The following MYH11 variants were observed in gnomAD, a reference collection of about 807,000 sequenced individuals.
MYH11 encodes myosin heavy chain 11.
MYH11 carries 80 observed loss-of-function variants against 246.6 expected under a neutral mutation model. The observed-to-expected ratio is 0.32, with a 90% confidence interval of 0.27 to 0.39. The LOEUF (loss-of-function observed/expected upper bound fraction) is 0.39, where lower values mean the gene tolerates loss of function less well. Among genes scored for constraint, MYH11 ranks in the 10% least tolerant of loss-of-function variants. MYH11 has a pLI of 1.00. For missense variants in MYH11, 2,158 were observed against 2,546.8 expected (o/e 0.85, Z 3.29); for synonymous variants, 1,071 against 1,015.5 (o/e 1.05, Z -1.04).
chr16:15,762,069 C>T (rs374427493), intron 10 of MYH11, among the ~76,000 whole-genome samples: 2 of 152,296 alleles, frequency 1.3e-5, no homozygotes, highest in East Asian at 1.9e-4. Context: ...CCGCCTCCTG[C>T]GTTCAAGCAG....
intron 3 of MYH11, among the ~76,000 whole-genome samples, chr16:15,819,499 C>G (rs1335214800): frequency 6.6e-6 from 1 of 152,040 alleles, no homozygotes; most frequent in Non-Finnish European, 1.5e-5. Context: ...CTTATAGAAC[C>G]ACCAACCCTA....
At chr16:15,852,320 G>A (rs543325939) in intron 1 of MYH11, among the ~76,000 whole-genome samples, 1 of 145,066 alleles carries the variant, frequency 6.9e-6, no homozygotes, top group South Asian at 2.2e-4. Flanking sequence ...GCAACAAGTT[G>A]CAATTTGCAA....
rs913152964 is a variant in MYH11 at position 15,760,779 on chromosome 16, C to T, written c.1130-121G>A. The stretch of plus-strand genomic sequence containing the variant: ...CGGGTTCTCTTGGGGAAATGGGACC[C>T]GCTGACCATGAATATAGCTTGAAGT... On this transcript the variant is annotated intron_variant, in intron 10 of 40. Coordinates refer to ENST00000300036, the MANE Select transcript of MYH11 (RefSeq NM_002474.3). 1.2e-4 allele frequency: 95 copies of T among 795,032 alleles called. No homozygotes were observed. In the African/African-American group the frequency reaches 1.4e-3, roughly 12 times the overall value. 49.2% of individuals were successfully genotyped at this position (795,032 alleles called of 1,614,324 possible).
At chr16:15,758,988 A>T (rs1289413524) in intron 12 of MYH11, among the ~76,000 whole-genome samples, 2 of 145,870 alleles carry the variant, frequency 1.4e-5, no homozygotes, top group East Asian at 4.0e-4. Flanking sequence ...AAGACAAGAC[A>T]AAAAAAAAAC....
At chr16:15,711,496 G>A (rs1419856893) in intron 40 of MYH11, among the ~76,000 whole-genome samples, 1 of 152,126 alleles carries the variant, frequency 6.6e-6, no homozygotes, top group East Asian at 1.9e-4. Context: ...TAGAGGTGAT[G>A]CTGGTTTAAA....
chr16:15,765,320 TGATG>T (rs796569567), intron 9 of MYH11, among the ~76,000 whole-genome samples: 2 of 150,110 alleles, frequency 1.3e-5, no homozygotes, highest in East Asian at 1.9e-4. Flanking sequence ...GATAGACGGA[TGATG>T]GATGGATGGA....
chr16:15,832,205 G>A (rs1269538327), intron 2 of MYH11, among the ~76,000 whole-genome samples: 6 of 152,290 alleles, frequency 3.9e-5, no homozygotes, highest in Middle Eastern at 3.4e-3. Flanking sequence ...CATTCCAGAA[G>A]CAGAACCAGA....
At chr16:15,784,709 A>G (rs1459910416) in intron 5 of MYH11, 2 of 1,613,910 alleles carry the variant, frequency 1.2e-6, no homozygotes, top group East Asian at 2.2e-5. Flanking sequence ...TAGGCAAAAG[A>G]TGGGCCTTGC....
intron 8 of MYH11, among the ~76,000 whole-genome samples, chr16:15,772,249 G>A (rs557148638): frequency 2.0e-5 from 3 of 151,694 alleles, no homozygotes; most frequent in South Asian, 2.1e-4. Flanking sequence ...CCGCCACCAC[G>A]CCCGGCTAAA....
intron 31 of MYH11, among the ~76,000 whole-genome samples, chr16:15,723,857 A>G (rs1311802394): frequency 6.6e-6 from 1 of 152,236 alleles, no homozygotes; most frequent in Non-Finnish European, 1.5e-5. Context: ...CATTTAGTGA[A>G]TAAATAAGCA....
In MYH11 at chr16:15,740,198, G is replaced by A. The variant is rs1180352165; in HGVS notation, c.2860-10C>T. Reference sequence around the variant, plus strand: ...GCTGTTCTTCAAGGTCCTTTGTTGTGGAGGGAAAAGAGTAACAGCTTTGGT... The same window carrying A: ...GCTGTTCTTCAAGGTCCTTTGTTGTAGAGGGAAAAGAGTAACAGCTTTGGT... On this transcript the variant is annotated splice_polypyrimidine_tract_variant and intron_variant, in intron 22 of 40. Coordinates refer to ENST00000300036, the MANE Select transcript of MYH11 (RefSeq NM_002474.3). The A allele has an allele frequency of 2.5e-6, 4 of 1,614,092 alleles. No homozygotes were observed. The highest frequency in any genetic ancestry group is 3.3e-4 in the Middle Eastern group (2 of 6,058).
chr16:15,763,687 G>A (rs1421679004), intron 10 of MYH11, 109 bp downstream of exon 10: 1 of 953,890 alleles, frequency 1.0e-6, no homozygotes, highest in Non-Finnish European at 1.7e-6. Flanking sequence ...TCCAACTGTT[G>A]TTAAAATCCC....
chr16:15,732,758 A>C (rs1244144347), intron 26 of MYH11, 50 bp from the exon 27 acceptor site: 9 of 1,610,064 alleles, frequency 5.6e-6, no homozygotes, highest in Non-Finnish European at 7.6e-6. Flanking sequence ...ACAGAGGGTC[A>C]TCTCAGTGCC....
At chr16:15,743,394 C>A (rs564595902) in intron 20 of MYH11, among the ~76,000 whole-genome samples, 1 of 152,182 alleles carries the variant, frequency 6.6e-6, no homozygotes, top group African/African-American at 2.4e-5. Flanking sequence ...GTTTCGAACT[C>A]GTGAACCCAG....
chr16:15,706,472 G>A (rs538370273), intron 40 of MYH11, among the ~76,000 whole-genome samples: 2 of 152,242 alleles, frequency 1.3e-5, no homozygotes, highest in East Asian at 1.9e-4. Flanking sequence ...TGGGGAGGCC[G>A]AGGTGGGCAG....
chr16:15,784,540 G>T (rs1234660422), intron 5 of MYH11, among the ~76,000 whole-genome samples: 1 of 151,950 alleles, frequency 6.6e-6, no homozygotes, highest in Non-Finnish European at 1.5e-5. Flanking sequence ...CCCACAGGAT[G>T]GTATTTTGGT....
intron 16 of MYH11, among the ~76,000 whole-genome samples, chr16:15,748,729 A>C (rs889491739): frequency 1.3e-5 from 2 of 151,862 alleles, no homozygotes; most frequent in Non-Finnish European, 1.5e-5. Context: ...GATCCTCCCA[A>C]ATCAGCCTCC....
intron 4 of MYH11, among the ~76,000 whole-genome samples, 200 bp downstream of exon 4, chr16:15,798,460 T>A (rs561536995): frequency 1.3e-5 from 2 of 152,232 alleles, no homozygotes; most frequent in South Asian, 4.2e-4. Context: ...TAAGTTTGCC[T>A]GCCTCCGCAG....
rs1468412794 is a variant in MYH11 at position 15,750,609 on chromosome 16, A to T, written c.1865-278T>A. Among the ~76,000 whole-genome samples, 1 of 152,172 alleles carries T rather than the reference A, an allele frequency of 6.6e-6. No individual in the cohort carries two copies. Among genetic ancestry groups the T allele is most frequent in the Non-Finnish European group, 1.5e-5 (1 of 68,028 alleles). On this transcript the variant is annotated intron_variant, in intron 15 of 40. Coordinates refer to ENST00000300036, the MANE Select transcript of MYH11 (RefSeq NM_002474.3). The surrounding 1 kb of genome is among the most constrained non-coding windows in gnomAD (Gnocchi z 4.3). ...ACTCACTGACTAGCCTTGGCTTGGC[A>T]CTATCCTGTGCCTCAGTCTCCCTTT...
Sources: gnomAD v4.1 joint callset for allele counts (sites outside exome capture counted in the v4.1 genomes callset) on GRCh38, gnomAD v4.1.1 for gene constraint, Gnocchi (gnomAD v3.1) non-coding constraint, MANE v1.5 for transcripts, NCBI Gene and HGNC (gene_info 2026-07-23, HGNC 2026-07-21) for gene names.